Variants in AK7 observed in about 807,000 individuals in gnomAD.
The protein encoded by AK7 is adenylate kinase 7.
AK7 carries 78 observed loss-of-function variants against 96.6 expected under a neutral mutation model. The ratio of observed to expected loss-of-function variants is 0.81; its 90% CI spans 0.67 to 0.97. AK7 has a LOEUF of 0.97. AK7 is among the 50% of genes least tolerant of loss of function. The probability of loss-of-function intolerance (pLI) is 0.00; values close to 1 mark genes in which losing one functional copy is unlikely to be tolerated. For missense variants in AK7, 855 were observed against 887.9 expected, an observed-to-expected ratio of 0.96 and a Z score of 0.47; for synonymous variants, 302 against 317.2, an observed-to-expected ratio of 0.95 and a Z score of 0.51.
chr14:96,422,051 G>C (rs1891734481), intron 5 of AK7, among the ~76,000 whole-genome samples: 1 of 152,186 alleles, frequency 6.6e-6, no homozygotes, highest in Admixed American at 6.5e-5. Context: ...ACCGCCTTCT[G>C]GTCCCGTGGT....
intron 1 of AK7, among the ~76,000 whole-genome samples, chr14:96,393,787 A>G (rs1159899588): frequency 1.3e-5 from 2 of 152,160 alleles, no homozygotes; most frequent in African/African-American, 2.4e-5. Context: ...GGTAGACGCT[A>G]TTTAACCCAG....
intron 5 of AK7, among the ~76,000 whole-genome samples, chr14:96,424,564 C>G (rs996320736): frequency 6.6e-6 from 1 of 151,956 alleles, no homozygotes; most frequent in African/African-American, 2.4e-5. Flanking sequence ...GCTAAGTGAA[C>G]GCTAATAATA....
Position 96,471,503 on chromosome 14 carries a change from T to C in AK7, c.1383T>C (p.Ile461=). 1.3e-6 allele frequency: 2 copies of C among 1,505,418 alleles called. No individual in the cohort carries two copies. The highest frequency in any genetic ancestry group is 1.8e-6 in the Non-Finnish European group (2 of 1,094,038). 93.3% of individuals were successfully genotyped at this position (1,505,418 alleles called of 1,614,324 possible). The change falls in exon 13 of 18, where the codon ATT becomes ATC. Residue 461 remains isoleucine, a synonymous_variant. Transcript: ENST00000267584. ...NAGQLDDQYI[I]RFMKEKLKSM... Reference sequence around the variant, plus strand: ...GTCAACTAGACGATCAATATATAATTAGATTTATGAAAGAAAAGCTAAAAT... The same window carrying C: ...GTCAACTAGACGATCAATATATAATCAGATTTATGAAAGAAAAGCTAAAAT...
chr14:96,482,332 T>C (rs1459006265), intron 15 of AK7, among the ~76,000 whole-genome samples: 1 of 152,182 alleles, frequency 6.6e-6, no homozygotes, highest in African/African-American at 2.4e-5. Context: ...GAGGAAGGTC[T>C]GAAGGGGCTT....
chr14:96,463,587 G>T (rs1232708647), intron 12 of AK7, among the ~76,000 whole-genome samples: 1 of 151,802 alleles, frequency 6.6e-6, no homozygotes, highest in African/African-American at 2.4e-5. Context: ...GGGTGTGGTG[G>T]CGGGCGCCTG....
At chr14:96,407,392 C>T (rs879793383) in intron 3 of AK7, among the ~76,000 whole-genome samples, 1 of 152,118 alleles carries the variant, frequency 6.6e-6, no homozygotes, top group Non-Finnish European at 1.5e-5. Context: ...AATTCAATAA[C>T]GCTTTCTCGT....
intron 14 of AK7, 136 bp from the exon 15 acceptor site, chr14:96,478,329 C>T: frequency 1.3e-6 from 1 of 797,648 alleles, no homozygotes; most frequent in African/African-American, 1.7e-5. Flanking sequence ...CCATGAGAGG[C>T]AGCAAAGCCA....
chr14:96,414,198 C>T (rs1370533486), intron 4 of AK7, among the ~76,000 whole-genome samples: 1 of 152,206 alleles, frequency 6.6e-6, no homozygotes, highest in African/African-American at 2.4e-5. Flanking sequence ...CCAACGCCTT[C>T]CAGAATTACC....
At chr14:96,487,595 A>C (rs1201362936) in intron 17 of AK7, among the ~76,000 whole-genome samples, 2 of 150,848 alleles carry the variant, frequency 1.3e-5, no homozygotes, top group Non-Finnish European at 3.0e-5. Flanking sequence ...CCCCAGGCTA[A>C]TTTTTGTATT....
chr14:96,466,062 T>C (rs1894550608), intron 12 of AK7, among the ~76,000 whole-genome samples: 1 of 150,740 alleles, frequency 6.6e-6, no homozygotes, highest in Non-Finnish European at 1.5e-5. Context: ...AAGGAACAAT[T>C]GGAGGAAGTT....
In AK7 at chr14:96,479,655, C is replaced by T. The variant is rs151300586; in HGVS notation, c.1753+993C>T. ...TCATGATCCCGCATCACGTCAGCCT[C>T]ATCGTCACCATTATCATTCCTGGCT... On this transcript the variant is annotated intron_variant, in intron 15 of 17. Coordinates refer to ENST00000267584, the MANE Select transcript of AK7 (RefSeq NM_152327.5). 5.9e-5 allele frequency among the ~76,000 whole-genome samples: 9 copies of T among 152,340 alleles called. No homozygotes were observed. In the East Asian group the frequency reaches 1.7e-3, roughly 29 times the overall value.
chr14:96,467,283 C>G (rs1894622432), intron 12 of AK7, among the ~76,000 whole-genome samples: 1 of 150,696 alleles, frequency 6.6e-6, no homozygotes, highest in Non-Finnish European at 1.5e-5. Flanking sequence ...TTAATTAGAT[C>G]AAATTGAAGA....
chr14:96,476,487 A>G (rs921028152), intron 14 of AK7, among the ~76,000 whole-genome samples: 1 of 150,962 alleles, frequency 6.6e-6, no homozygotes, highest in African/African-American at 2.4e-5. Context: ...CCTGGGGGAC[A>G]AGAGCGAGAC....
chr14:96,405,651 G>T (rs376823540), intron 3 of AK7, among the ~76,000 whole-genome samples: 1 of 152,122 alleles, frequency 6.6e-6, no homozygotes, highest in East Asian at 1.9e-4. Flanking sequence ...ACTCAACAAA[G>T]GGGGGTGCGC....
At chr14:96,470,756 C>T (rs1164222159) in intron 12 of AK7, among the ~76,000 whole-genome samples, 1 of 152,162 alleles carries the variant, frequency 6.6e-6, no homozygotes, top group Non-Finnish European at 1.5e-5. Context: ...AAATTATGTG[C>T]TGGCAACAAA....
chr14:96,426,861 TTTGA>T (rs772470798), intron 5 of AK7, among the ~76,000 whole-genome samples: 7 of 152,208 alleles, frequency 4.6e-5, no homozygotes, highest in Non-Finnish European at 8.8e-5. Context: ...CCTTTGCAAG[TTTGA>T]TTATTATATG....
At chr14:96,437,191 T>G (rs1358429635) in intron 5 of AK7, among the ~76,000 whole-genome samples, 1 of 152,124 alleles carries the variant, frequency 6.6e-6, no homozygotes, top group African/African-American at 2.4e-5. Context: ...CTATAGATTT[T>G]TAAATAACTT....
chr14:96,436,334 G>A (rs1232627559), intron 5 of AK7, among the ~76,000 whole-genome samples: 1 of 152,128 alleles, frequency 6.6e-6, no homozygotes, highest in African/African-American at 2.4e-5. Flanking sequence ...ACAAGAGCCT[G>A]AGTAACATTC....
At chr14:96,482,922 T>C in intron 15 of AK7, 77 bp from the exon 16 acceptor site, 3 of 1,397,438 alleles carry the variant, frequency 2.1e-6, no homozygotes, top group Non-Finnish European at 3.0e-6. Flanking sequence ...CGCAAGTTTA[T>C]AGTAATAAAG....
Sources: allele counts gnomAD v4.1 joint callset (sites outside exome capture counted in the v4.1 genomes callset), GRCh38; gene constraint gnomAD v4.1.1; transcripts MANE v1.5; gene names NCBI Gene and HGNC (gene_info 2026-07-23, HGNC 2026-07-21).